KANK1: variants seen among roughly 807,000 people sequenced by gnomAD.
KANK1 encodes KN motif and ankyrin repeat domain-containing protein 1.
KANK1 carries 109 observed loss-of-function variants against 106.2 expected under a neutral mutation model. That is an observed-to-expected ratio of 1.03 (90% CI 0.88 to 1.20). The LOEUF (loss-of-function observed/expected upper bound fraction) is 1.20. KANK1 is among the 50% of genes most tolerant of loss of function. KANK1 has a pLI of 0.00. For synonymous variants in KANK1, 873 were observed against 652.2 expected (o/e 1.34, Z -5.16); for missense variants, 2,399 against 1,710.7 (o/e 1.40, Z -7.10).
intron 1 of KANK1, among the ~76,000 whole-genome samples, chr9:562,042 CTTTT>C (rs34419752): frequency 3.7e-4 from 39 of 104,928 alleles, no homozygotes; most frequent in African/African-American, 1.3e-3. Context: ...ATTGCATTTT[CTTTT>C]TTTTTTTTTT....
intron 1 of KANK1, among the ~76,000 whole-genome samples, chr9:618,650 C>T (rs1332163810): frequency 6.6e-6 from 1 of 152,096 alleles, no homozygotes; most frequent in East Asian, 1.9e-4. Context: ...TTCACATGCA[C>T]AGTAGACATT....
intron 1 of KANK1, among the ~76,000 whole-genome samples, chr9:529,234 T>TACACAC (rs5895851): frequency 1.9e-3 from 283 of 148,790 alleles, no homozygotes; most frequent in African/African-American, 6.5e-3. Flanking sequence ...TATATATATA[T>TACACAC]ACACACACAC....
intron 1 of KANK1, among the ~76,000 whole-genome samples, chr9:537,248 G>T (rs1403094566): frequency 6.6e-6 from 1 of 152,134 alleles, no homozygotes; most frequent in Non-Finnish European, 1.5e-5. Context: ...GGACCCCTCT[G>T]TGACATTTGG....
At chr9:738,197 C>A in intron 7 of KANK1, 88 bp from the exon 8 acceptor site, 1 of 1,068,756 alleles carries the variant, frequency 9.4e-7, no homozygotes, top group Non-Finnish European at 1.4e-6. Context: ...TATACTTTGA[C>A]TATAAAAGGA....
intron 8 of KANK1, among the ~76,000 whole-genome samples, chr9:738,831 C>T (rs994530004): frequency 1.3e-5 from 2 of 152,166 alleles, no homozygotes; most frequent in Non-Finnish European, 2.9e-5. Flanking sequence ...ATCATGCGGG[C>T]TTGGCCGGTT....
At chr9:507,964 GC>G (rs1183886453) in intron 1 of KANK1, among the ~76,000 whole-genome samples, 5 of 151,888 alleles carry the variant, frequency 3.3e-5, no homozygotes, top group African/African-American at 1.2e-4. Flanking sequence ...GGGATTACAG[GC>G]ATGCGCCCCC....
intron 1 of KANK1, among the ~76,000 whole-genome samples, chr9:637,995 C>G (rs1375567184): frequency 6.6e-6 from 1 of 152,188 alleles, no homozygotes; most frequent in African/African-American, 2.4e-5. Flanking sequence ...CAGACTCACT[C>G]TGCATGGTGA....
At chr9:695,343 G>T (rs1820974769) in intron 2 of KANK1, among the ~76,000 whole-genome samples, 1 of 152,116 alleles carries the variant, frequency 6.6e-6, no homozygotes, top group African/African-American at 2.4e-5. Flanking sequence ...ATTTTAACCT[G>T]GCCATAATAT....
chr9:556,428 C>A (rs2061586906), intron 1 of KANK1, among the ~76,000 whole-genome samples: 1 of 152,098 alleles, frequency 6.6e-6, no homozygotes. Flanking sequence ...TGGAGTCAGC[C>A]AGATCCAGAT....
intron 1 of KANK1, among the ~76,000 whole-genome samples, chr9:542,232 C>T (rs955292684): frequency 1.1e-4 from 17 of 152,040 alleles, no homozygotes; most frequent in African/African-American, 4.1e-4. Context: ...GATGCAGTGG[C>T]TCATGCCTGT....
Position 599,709 on chromosome 9 carries a change from A to C in KANK1, c.-83-77181A>C, listed in dbSNP as rs998849805. Among the ~76,000 whole-genome samples the C allele has an allele frequency of 4.0e-5, 6 of 151,868 alleles. 1 individual carries two copies. The highest frequency in any genetic ancestry group is 2.0e-4 in the Admixed American group (3 of 15,262). ...GATATTTTCAACCCAACATGGATTG[A>C]AAATAGAGTACTTGAGGGATGCAAA... On this transcript the variant is annotated intron_variant, in intron 1 of 11. Coordinates refer to ENST00000382297, the MANE Select transcript of KANK1 (RefSeq NM_015158.5).
intron 3 of KANK1, among the ~76,000 whole-genome samples, chr9:491,604 T>C (rs1377245393): frequency 6.6e-6 from 1 of 152,058 alleles, no homozygotes; most frequent in East Asian, 1.9e-4. Flanking sequence ...ATAGTGGGCC[T>C]CTCTGGGGAG....
rs1355658148 is a variant in KANK1, at chr9:507,338, G to A, written c.-84+2584G>A. 4.0e-5 allele frequency among the ~76,000 whole-genome samples: 6 copies of A among 151,870 alleles called. No homozygotes were observed. The East Asian group carries it at 5.8e-4, about 15-fold the overall frequency. The stretch of plus-strand genomic sequence containing the variant: ...CCACTGCACTCCAGCCTAGATGACC[G>A]AGCAATATCCTCTCTCAAAACAAGA... On this transcript the variant is annotated intron_variant, in intron 1 of 11. Transcript: ENST00000382297.
chr9:603,287 TATTGA>T (rs1216245277), intron 1 of KANK1, among the ~76,000 whole-genome samples: 2 of 151,872 alleles, frequency 1.3e-5, no homozygotes, highest in Non-Finnish European at 2.9e-5. Flanking sequence ...TAAAGCCTAG[TATTGA>T]ATTGTTTTCA....
intron 1 of KANK1, among the ~76,000 whole-genome samples, chr9:607,636 C>A (rs1009483600): frequency 1.3e-5 from 2 of 151,694 alleles, no homozygotes; most frequent in Admixed American, 6.6e-5. Context: ...ATGTGCCTCA[C>A]CCAGTCCAGG....
chr9:682,000 C>G (rs1817639421), intron 2 of KANK1, among the ~76,000 whole-genome samples: 1 of 152,056 alleles, frequency 6.6e-6, no homozygotes, highest in Non-Finnish European at 1.5e-5. Context: ...GTTATTTAGG[C>G]TGGGCACGGT....
At chr9:734,502 C>G (rs1025018600) in intron 6 of KANK1, 7 of 360,054 alleles carry the variant, frequency 1.9e-5, no homozygotes, top group Non-Finnish European at 3.2e-5. Context: ...CCCGTCTCCA[C>G]TAAAAATACA....
intron 1 of KANK1, among the ~76,000 whole-genome samples, chr9:546,512 C>A (rs1263175774): frequency 1.3e-5 from 2 of 152,088 alleles, no homozygotes; most frequent in Non-Finnish European, 2.9e-5. Context: ...GACCTGAGAA[C>A]AGGCTCCTTA....
chr9:688,470 G>A (rs750486641), intron 2 of KANK1, among the ~76,000 whole-genome samples: 12 of 152,218 alleles, frequency 7.9e-5, no homozygotes, highest in East Asian at 5.8e-4. Context: ...GCTGGGCGTC[G>A]CAGCGGGCAC....
Sources: allele counts gnomAD v4.1 joint callset (sites outside exome capture counted in the v4.1 genomes callset), GRCh38; gene constraint gnomAD v4.1.1; transcripts MANE v1.5; gene names NCBI Gene and HGNC (gene_info 2026-07-23, HGNC 2026-07-21).